The following XPO7 variants were observed in gnomAD, a reference collection of about 807,000 sequenced individuals.
XPO7 encodes the protein exportin 7.
XPO7 carries 21 observed loss-of-function variants against 144.3 expected under a neutral mutation model. The ratio of observed to expected loss-of-function variants is 0.15; its 90% CI spans 0.10 to 0.21. The LOEUF (loss-of-function observed/expected upper bound fraction) is 0.21, where lower values mean the gene tolerates loss of function less well. XPO7 is among the 10% of genes least tolerant of loss of function. The probability of loss-of-function intolerance (pLI) is 1.00; values close to 1 mark genes in which losing one functional copy is unlikely to be tolerated. For synonymous variants in XPO7, 580 were observed against 499.6 expected (o/e 1.16, Z -2.15); for missense variants, 808 against 1,325.8 (o/e 0.61, Z 6.06).
At chr8:21,951,280 C>A (rs1438665910) in intron 1 of XPO7, among the ~76,000 whole-genome samples, 1 of 151,046 alleles carries the variant, frequency 6.6e-6, no homozygotes. Flanking sequence ...TTTTTTTAAA[C>A]CTATGAGGCC....
At chr8:21,969,612 A>T (rs1308600693) in intron 3 of XPO7, 36 bp downstream of exon 3, 4 of 1,574,380 alleles carry the variant, frequency 2.5e-6, no homozygotes, top group Non-Finnish European at 2.6e-6. Context: ...CTTGAAGAAA[A>T]TAGTTTGTTT....
intron 1 of XPO7, among the ~76,000 whole-genome samples, chr8:21,962,810 A>G (rs745528184): frequency 2.0e-5 from 3 of 152,174 alleles, no homozygotes; most frequent in Non-Finnish European, 4.4e-5. Flanking sequence ...TTGTTACTGA[A>G]TTTTTTAAGT....
intron 1 of XPO7, among the ~76,000 whole-genome samples, chr8:21,960,335 T>C (rs184889102): frequency 1.3e-5 from 2 of 152,378 alleles, no homozygotes; most frequent in Non-Finnish European, 2.9e-5. Flanking sequence ...CACCTTGCCC[T>C]GCAGCTTTCT....
At chr8:21,995,789 G>A (rs777723409) in intron 21 of XPO7, among the ~76,000 whole-genome samples, 190 bp downstream of exon 21, 5 of 152,148 alleles carry the variant, frequency 3.3e-5, no homozygotes, top group Admixed American at 6.5e-5. Context: ...ATAGTCAACT[G>A]CAGGAAATAA....
Position 22,006,119 on chromosome 8 carries a change from TGC to T in XPO7, c.*1032_*1033del, listed in dbSNP as rs1462825489. On this transcript the variant is annotated 3_prime_UTR_variant, in exon 28 of 28. Coordinates refer to ENST00000252512, the MANE Select transcript of XPO7 (RefSeq NM_015024.5). Reference sequence around the variant, plus strand: ...CGTGTGGATATTTATATATGTACCCTGCACTCATGAATGTATGAACTGGAGGA... The same window carrying T: ...CGTGTGGATATTTATATATGTACCCTACTCATGAATGTATGAACTGGAGGA... The T allele has an allele frequency of 6.6e-6, 1 of 152,226 alleles. No homozygotes were observed. The highest frequency in any genetic ancestry group is 2.4e-5 in the African/African-American group (1 of 41,444). The allele number at this position is 152,226 out of a possible 1,614,324, so 9.4% of individuals were successfully genotyped here.
At chr8:21,982,205 A>C (rs550657461) in intron 10 of XPO7, among the ~76,000 whole-genome samples, 1 of 152,236 alleles carries the variant, frequency 6.6e-6, no homozygotes, top group Non-Finnish European at 1.5e-5. Context: ...TTTCTTAGTC[A>C]TGTAATATAG....
intron 1 of XPO7, chr8:21,964,424 A>C (rs1007518984): frequency 6.6e-6 from 1 of 152,202 alleles, no homozygotes; most frequent in Non-Finnish European, 1.5e-5. Flanking sequence ...AAAAAAGATG[A>C]TTCAAAAGAA....
At position 21,990,338 on chromosome 8, in the gene XPO7, C is replaced by T; in HGVS notation, c.1869-6C>T. 6.2e-7 allele frequency: 1 copy of T among 1,613,368 alleles called. No individual in the cohort carries two copies. The highest frequency in any genetic ancestry group is 1.7e-4 in the Middle Eastern group (1 of 6,060). On this transcript the variant is annotated splice_polypyrimidine_tract_variant and splice_region_variant and intron_variant, in intron 16 of 27. Coordinates refer to ENST00000252512, the MANE Select transcript of XPO7 (RefSeq NM_015024.5). ...ACTTTCCTTGACCTTCTTCCTTTGT[C>T]TTCACGTACAGTAGCGTAAGGAAGC...
intron 5 of XPO7, among the ~76,000 whole-genome samples, chr8:21,972,595 G>C (rs1048012878): frequency 6.6e-6 from 1 of 152,134 alleles, no homozygotes; most frequent in African/African-American, 2.4e-5. Context: ...TTTTTTAAAT[G>C]GTCATTGATG....
At chr8:21,943,127 C>T (rs2117271685) in intron 1 of XPO7, among the ~76,000 whole-genome samples, 1 of 152,196 alleles carries the variant, frequency 6.6e-6, no homozygotes, top group South Asian at 2.1e-4. Flanking sequence ...TTTCAGTAAC[C>T]CCCAGGAGCC....
intron 1 of XPO7, among the ~76,000 whole-genome samples, chr8:21,949,775 G>A (rs1352427764): frequency 2.0e-5 from 3 of 152,314 alleles, no homozygotes; most frequent in Admixed American, 2.0e-4. Context: ...TGTTGCCTAG[G>A]CTGGAGTGCA....
At position 21,987,197 on chromosome 8, in the gene XPO7, A is replaced by G; in HGVS notation, c.1634A>G (p.Lys545Arg). The G allele has an allele frequency of 6.2e-7, 1 of 1,614,018 alleles. No individual in the cohort carries two copies. Among genetic ancestry groups the G allele is most frequent in the Non-Finnish European group, 8.5e-7 (1 of 1,179,892 alleles). The change falls in exon 14 of 28, where the codon AAG (lysine) becomes AGG (arginine). Residue 545 changes from lysine (K) to arginine (R), a missense_variant. Physicochemically the swap from Lys to Arg is conservative, Grantham distance 26. This residue lies in a region of XPO7 where 416 missense variants were observed against 612.5 expected (regional missense o/e 0.68). Coordinates refer to ENST00000252512, the MANE Select transcript of XPO7 (RefSeq NM_015024.5). ...DSRLAQAGNE[K>R]LELAMLSFFE... Reference sequence around the variant, plus strand: ...CGTTTGGCCCAGGCGGGTAATGAGAAGCTAGAGTTGGCCATGCTGAGCTTT... The same window carrying G: ...CGTTTGGCCCAGGCGGGTAATGAGAGGCTAGAGTTGGCCATGCTGAGCTTT...
chr8:21,959,040 G>A (rs1482610661), intron 1 of XPO7, among the ~76,000 whole-genome samples: 1 of 151,718 alleles, frequency 6.6e-6, no homozygotes, highest in Non-Finnish European at 1.5e-5. Flanking sequence ...AACTCAAATT[G>A]TTGACCACTC....
chr8:21,991,026 C>A, intron 18 of XPO7, 107 bp downstream of exon 18: 1 of 987,650 alleles, frequency 1.0e-6, no homozygotes, highest in South Asian at 1.4e-5. Context: ...GTTTTTTCAA[C>A]AGTAACAAAA....
At chr8:21,958,251 G>A (rs1563321321) in intron 1 of XPO7, among the ~76,000 whole-genome samples, 2 of 151,966 alleles carry the variant, frequency 1.3e-5, no homozygotes, top group African/African-American at 2.4e-5. Context: ...TAAAGTCACC[G>A]AGAACACTGA....
In XPO7 at chr8:21,980,334, C is replaced by CT. The variant is rs1812363000; in HGVS notation, c.957+132dup. 7 of 1,172,022 alleles carry CT rather than the reference C, an allele frequency of 6.0e-6. No individual in the cohort carries two copies. In the South Asian group the frequency reaches 9.7e-5, roughly 16 times the overall value. 72.6% of individuals were successfully genotyped at this position (1,172,022 alleles called of 1,614,324 possible). A position where few individuals can be genotyped will look rare whatever the true frequency, so the allele number is the denominator to read the frequency against. Reference sequence around the variant, plus strand: ...CTTCAGGGAAGACTGAAGTGAATCTCTATTTGTAGGCCAATTCTGAGATTA... The same window carrying CT: ...CTTCAGGGAAGACTGAAGTGAATCTCTTATTTGTAGGCCAATTCTGAGATTA... On this transcript the variant is annotated intron_variant, in intron 9 of 27. Coordinates refer to ENST00000252512, the MANE Select transcript of XPO7 (RefSeq NM_015024.5).
chr8:21,946,509 G>T (rs1259586973), intron 1 of XPO7, among the ~76,000 whole-genome samples: 1 of 144,020 alleles, frequency 6.9e-6, no homozygotes, highest in African/African-American at 2.5e-5. Context: ...GTGGTTAAGA[G>T]ACATGGAGGG....
rs777866135 is a variant in XPO7 at position 21,987,231 on chromosome 8, G to A, written c.1668G>A (p.Gln556=). 6.2e-7 allele frequency: 1 copy of A among 1,614,018 alleles called. No individual in the cohort carries two copies. Among genetic ancestry groups the A allele is most frequent in the Non-Finnish European group, 8.5e-7 (1 of 1,179,892 alleles). ...LELAMLSFFE[Q]FRKIYIGDQV... The stretch of plus-strand genomic sequence containing the variant: ...TGGCCATGCTGAGCTTTTTTGAACA[G>A]TTTCGTAAGATCTACATTGGGGACC... The change falls in exon 14 of 28, where the codon CAG becomes CAA. Residue 556 remains glutamine (Q), a synonymous_variant. Transcript: ENST00000252512.
intron 2 of XPO7, among the ~76,000 whole-genome samples, chr8:21,968,047 C>T (rs1040315146): frequency 2.0e-5 from 3 of 152,110 alleles, no homozygotes; most frequent in Non-Finnish European, 1.5e-5. Context: ...GCTTCCCAGT[C>T]GTGCTTACCT....
Sources: gnomAD v4.1 joint callset for allele counts (sites outside exome capture counted in the v4.1 genomes callset) on GRCh38, gnomAD v4.1.1 for gene constraint, gnomAD v4.1.1 regional missense constraint, MANE v1.5 for transcripts, NCBI Gene and HGNC (gene_info 2026-07-23, HGNC 2026-07-21) for gene names.